The following CFAP61 variants were observed in gnomAD, a reference collection of about 807,000 sequenced individuals.
CFAP61 encodes cilia and flagella associated protein 61.
In CFAP61, 107 loss-of-function variants were observed where a neutral mutation model predicts 135.6. That is an observed-to-expected ratio of 0.79 (90% CI 0.67 to 0.93). The LOEUF is 0.93. Among genes scored for constraint, CFAP61 ranks in the 40% least tolerant of loss-of-function variants. The pLI is 0.00. For missense variants in CFAP61, 1,507 were observed against 1,556.2 expected (o/e 0.97, Z 0.53); for synonymous variants, 575 against 578.5 (o/e 0.99, Z 0.09).
intron 25 of CFAP61, among the ~76,000 whole-genome samples, chr20:20,337,504 GGATAAATGGATGGATGGATGGATGGATA>G (rs2058262124): frequency 9.3e-6 from 1 of 107,166 alleles, no homozygotes; most frequent in East Asian, 2.9e-4. Flanking sequence ...ATGGGTGGAT[GGATAAATGGATGGATGGATGGATGGATA>G]GATGGGTGGG....
chr20:20,317,644 C>T (rs1159511228), intron 25 of CFAP61, among the ~76,000 whole-genome samples: 1 of 152,174 alleles, frequency 6.6e-6, no homozygotes, highest in Non-Finnish European at 1.5e-5. Flanking sequence ...AGGTGCCACT[C>T]TTTGGATCCC....
At chr20:20,120,591 C>CA (rs1404022878) in intron 8 of CFAP61, among the ~76,000 whole-genome samples, 9 of 152,126 alleles carry the variant, frequency 5.9e-5, no homozygotes, top group Non-Finnish European at 5.9e-5. Context: ...CTGTTGAAAA[C>CA]AATGTGTATT....
intron 2 of CFAP61, among the ~76,000 whole-genome samples, chr20:20,061,448 A>G (rs1378750314): frequency 6.6e-5 from 10 of 152,212 alleles, no homozygotes; most frequent in Admixed American, 5.9e-4. Flanking sequence ...AGTCACAGAA[A>G]TATTTAAAGT....
chr20:20,338,032 A>G (rs2058306996), intron 25 of CFAP61, among the ~76,000 whole-genome samples: 1 of 152,178 alleles, frequency 6.6e-6, no homozygotes, highest in African/African-American at 2.4e-5. Flanking sequence ...GCGTCCATAT[A>G]TCATACCTGG....
At chr20:20,162,492 T>G (rs2053485171) in intron 10 of CFAP61, among the ~76,000 whole-genome samples, 1 of 152,126 alleles carries the variant, frequency 6.6e-6, no homozygotes, top group South Asian at 2.1e-4. Context: ...GATCACCCCA[T>G]GAAGTGCCCC....
chr20:20,215,036 T>C (rs2047944178), intron 17 of CFAP61: 1 of 152,256 alleles, frequency 6.6e-6, no homozygotes, highest in South Asian at 2.1e-4. Context: ...AACTTTTTTT[T>C]CTTCAAACAG....
intron 25 of CFAP61, among the ~76,000 whole-genome samples, chr20:20,335,854 C>T (rs974036898): frequency 6.6e-6 from 1 of 152,310 alleles, no homozygotes; most frequent in East Asian, 1.9e-4. Flanking sequence ...CGGGAAAAAG[C>T]ATAAGGAAAT....
At chr20:20,352,830 C>A (rs935816170) in intron 26 of CFAP61, among the ~76,000 whole-genome samples, 2 of 152,160 alleles carry the variant, frequency 1.3e-5, no homozygotes, top group African/African-American at 4.8e-5. Context: ...AAAGCAAAAA[C>A]AGACAAGTGG....
rs1308474527 is a variant in CFAP61, at chr20:20,312,069, G to T, written c.3422+13683G>T. ...TACATCTGAAAACAAGTTTAAGAGT[G>T]TTTATAGGAATACTGAAAATTTCCA... On this transcript the variant is annotated intron_variant, in intron 25 of 26. Coordinates refer to ENST00000245957, the MANE Select transcript of CFAP61 (RefSeq NM_015585.4). 3.3e-5 allele frequency among the ~76,000 whole-genome samples: 5 copies of T among 152,160 alleles called. No homozygotes were observed. In the East Asian group the frequency reaches 9.6e-4, roughly 29 times the overall value.
chr20:20,090,804 G>T, intron 6 of CFAP61, 40 bp from the exon 7 acceptor site: 2 of 1,602,130 alleles, frequency 1.2e-6, no homozygotes, highest in Non-Finnish European at 1.7e-6. Flanking sequence ...GGAAAAAAAT[G>T]AGTGAACGAA....
intron 26 of CFAP61, among the ~76,000 whole-genome samples, chr20:20,348,139 T>C (rs928264792): frequency 2.6e-5 from 4 of 152,116 alleles, no homozygotes; most frequent in African/African-American, 9.7e-5. Flanking sequence ...TTCCAAAACA[T>C]AGAAGAGGTT....
intron 26 of CFAP61, among the ~76,000 whole-genome samples, chr20:20,344,818 C>T (rs1241208363): frequency 1.3e-5 from 2 of 152,078 alleles, no homozygotes; most frequent in Non-Finnish European, 2.9e-5. Context: ...TATTGCAGCA[C>T]TACTCACAAT....
At chr20:20,356,359 G>A (rs2059163820) in intron 26 of CFAP61, among the ~76,000 whole-genome samples, 1 of 150,682 alleles carries the variant, frequency 6.6e-6, no homozygotes, top group Admixed American at 6.6e-5. Context: ...ACTGTGAGGG[G>A]AAGTGGTCAC....
chr20:20,114,362 C>G (rs1343904629), intron 8 of CFAP61, among the ~76,000 whole-genome samples: 1 of 152,146 alleles, frequency 6.6e-6, no homozygotes, highest in Non-Finnish European at 1.5e-5. Context: ...GGGAAACTGA[C>G]ATTTTTATAA....
intron 19 of CFAP61, among the ~76,000 whole-genome samples, chr20:20,248,295 C>G (rs1285991287): frequency 3.3e-5 from 5 of 152,194 alleles, no homozygotes; most frequent in Non-Finnish European, 5.9e-5. Flanking sequence ...TAGGAGATGT[C>G]TTTCAAATGG....
intron 2 of CFAP61, among the ~76,000 whole-genome samples, chr20:20,065,859 G>C (rs2045217998): frequency 6.6e-6 from 1 of 152,168 alleles, no homozygotes; most frequent in Admixed American, 6.5e-5. Context: ...CAGTTTGTGA[G>C]CAATGGATGT....
chr20:20,131,909 A>C (rs2146722001), intron 8 of CFAP61, among the ~76,000 whole-genome samples: 1 of 152,202 alleles, frequency 6.6e-6, no homozygotes, highest in South Asian at 2.1e-4. Flanking sequence ...TTATTTATTA[A>C]CATGGGAATG....
chr20:20,092,686 A>T (rs1324091625), intron 7 of CFAP61, among the ~76,000 whole-genome samples: 2 of 24,140 alleles, frequency 8.3e-5, no homozygotes, highest in Non-Finnish European at 7.4e-5. Flanking sequence ...AGACACTTTT[A>T]AAAAAAATGA....
At chr20:20,358,054 G>C (rs2059321862) in intron 26 of CFAP61, among the ~76,000 whole-genome samples, 1 of 147,378 alleles carries the variant, frequency 6.8e-6, no homozygotes, top group African/African-American at 2.6e-5. Flanking sequence ...TGGTCATAGT[G>C]TGAGGGGAGG....
Sources: gnomAD v4.1 joint callset for allele counts (sites outside exome capture counted in the v4.1 genomes callset) on GRCh38, gnomAD v4.1.1 for gene constraint, MANE v1.5 for transcripts, NCBI Gene and HGNC (gene_info 2026-07-23, HGNC 2026-07-21) for gene names.